Variants in NHLRC2 observed in about 807,000 individuals in gnomAD.
The protein encoded by NHLRC2 is NHL repeat-containing protein 2.
Under a neutral mutation model 68.1 loss-of-function variants are expected in NHLRC2, and 33 were observed. The observed-to-expected ratio is 0.48, with a 90% CI of 0.37 to 0.65. NHLRC2 has a LOEUF of 0.65. Among genes scored for constraint, NHLRC2 ranks in the 30% least tolerant of loss-of-function variants. The pLI is 0.00. For missense variants in NHLRC2, 761 were observed against 853.8 expected (o/e 0.89, Z 1.35); for synonymous variants, 311 against 309.6 (o/e 1.00, Z -0.05).
intron 2 of NHLRC2, among the ~76,000 whole-genome samples, chr10:113,860,758 T>A (rs1379654618): frequency 6.6e-6 from 1 of 152,154 alleles, no homozygotes; most frequent in Non-Finnish European, 1.5e-5. Flanking sequence ...ATTCTGGAAC[T>A]GAAAAGTGGA....
At chr10:113,906,155 T>C (rs1846273191) in intron 10 of NHLRC2, among the ~76,000 whole-genome samples, 1 of 152,202 alleles carries the variant, frequency 6.6e-6, no homozygotes, top group Admixed American at 6.5e-5. Context: ...GTTAGAGCAG[T>C]GTATTAAATG....
intron 2 of NHLRC2, among the ~76,000 whole-genome samples, chr10:113,866,967 A>G (rs181237619): frequency 8.7e-4 from 133 of 152,226 alleles, no homozygotes; most frequent in African/African-American, 3.0e-3. Context: ...TTCCTCAGCC[A>G]TGTGTTGTGA....
intron 2 of NHLRC2, among the ~76,000 whole-genome samples, chr10:113,874,265 G>A (rs1845957765): frequency 6.6e-6 from 1 of 152,040 alleles, no homozygotes; most frequent in South Asian, 2.1e-4. Flanking sequence ...GACTTATAAG[G>A]CATTTGCTGT....
At position 113,879,511 on chromosome 10, in the gene NHLRC2, T is replaced by G. The variant is rs114779160; in HGVS notation, c.788-63T>G. The stretch of plus-strand genomic sequence containing the variant: ...AATCCCAGCATTAAATACAAGTTTG[T>G]TTTGTTTTGTTTTGTTTTACCTTGA... On this transcript the variant is annotated intron_variant, in intron 3 of 10. Coordinates refer to ENST00000369301, the MANE Select transcript of NHLRC2 (RefSeq NM_198514.4). 543 of 1,354,226 alleles carry G rather than the reference T, an allele frequency of 4.0e-4. 1 individual carries two copies. The African/African-American group carries it at 7.6e-3, about 19-fold the overall frequency. The allele number at this position is 1,354,226 out of a possible 1,614,324, so 83.9% of individuals were successfully genotyped here.
intron 5 of NHLRC2, among the ~76,000 whole-genome samples, chr10:113,888,504 T>C (rs1257343434): frequency 2.6e-5 from 4 of 152,232 alleles, no homozygotes; most frequent in African/African-American, 9.6e-5. Context: ...ATTTTAAATC[T>C]ACATGTAGTA....
chr10:113,893,175 T>C (rs954458000), intron 5 of NHLRC2, among the ~76,000 whole-genome samples: 1 of 152,084 alleles, frequency 6.6e-6, no homozygotes, highest in African/African-American at 2.4e-5. Flanking sequence ...AGTAGGAGGC[T>C]GTGGGTACAT....
At chr10:113,870,457 C>T (rs1339565644) in intron 2 of NHLRC2, among the ~76,000 whole-genome samples, 1 of 152,140 alleles carries the variant, frequency 6.6e-6, no homozygotes, top group Non-Finnish European at 1.5e-5. Context: ...CACTTCATAA[C>T]AGTTCATAGA....
chr10:113,875,071 A>G (rs1335779417), intron 2 of NHLRC2, among the ~76,000 whole-genome samples: 1 of 150,528 alleles, frequency 6.6e-6, no homozygotes, highest in African/African-American at 2.4e-5. Flanking sequence ...TACCTTGATA[A>G]CTGACCATAT....
In NHLRC2 at chr10:113,858,501, T is replaced by G. The variant is rs1438092683; in HGVS notation, c.179-27T>G. On this transcript the variant is annotated intron_variant, in intron 1 of 10. Coordinates refer to ENST00000369301, the MANE Select transcript of NHLRC2 (RefSeq NM_198514.4). ...TAAATTTTATCTTTCTCTTTAATCATTGTAATTTATTTTATGTAAATTTCA... is the reference window on the plus strand; with the variant it reads ...TAAATTTTATCTTTCTCTTTAATCAGTGTAATTTATTTTATGTAAATTTCA... The G allele has an allele frequency of 2.0e-6, 3 of 1,499,242 alleles. No individual in the cohort carries two copies. In the Admixed American group the frequency reaches 5.6e-5, roughly 28 times the overall value. 92.9% of individuals were successfully genotyped at this position (1,499,242 alleles called of 1,614,324 possible). A position where few individuals can be genotyped will look rare whatever the true frequency, so the allele number is the denominator to read the frequency against.
intron 5 of NHLRC2, among the ~76,000 whole-genome samples, chr10:113,889,038 G>C (rs1554902072): frequency 6.6e-6 from 1 of 151,988 alleles, no homozygotes; most frequent in Non-Finnish European, 1.5e-5. Flanking sequence ...TGTTGGCCAG[G>C]CTGTTCTCTA....
In NHLRC2 at chr10:113,911,988, C is replaced by G. The variant is rs536225919; in HGVS notation, c.*3452C>G. On this transcript the variant is annotated 3_prime_UTR_variant, in exon 11 of 11. Coordinates refer to ENST00000369301, the MANE Select transcript of NHLRC2 (RefSeq NM_198514.4). Reference sequence around the variant, plus strand: ...TGAATCGTAAGCACTTATATAATAACTTTTTAAAAGTCATTTTTATTACCA... The same window carrying G: ...TGAATCGTAAGCACTTATATAATAAGTTTTTAAAAGTCATTTTTATTACCA... The G allele has an allele frequency of 6.6e-6, 1 of 151,960 alleles. No homozygotes were observed. Among genetic ancestry groups the G allele is most frequent in the African/African-American group, 2.4e-5 (1 of 41,432 alleles). The allele number at this position is 151,960 out of a possible 1,614,324, so 9.4% of individuals were successfully genotyped here. A position where few individuals can be genotyped will look rare whatever the true frequency, so the allele number is the denominator to read the frequency against.
At chr10:113,874,069 G>A (rs1158483333) in intron 2 of NHLRC2, among the ~76,000 whole-genome samples, 1 of 152,058 alleles carries the variant, frequency 6.6e-6, no homozygotes. Context: ...TTATCAACAT[G>A]ATGCACTTTC....
intron 1 of NHLRC2, among the ~76,000 whole-genome samples, chr10:113,855,420 A>C (rs1403322600): frequency 5.3e-5 from 8 of 152,026 alleles, no homozygotes; most frequent in Admixed American, 5.2e-4. Context: ...ATCTTTCTGC[A>C]TCATCTTGAC....
Position 113,884,318 on chromosome 10 carries a change from G to A in NHLRC2, c.977G>A (p.Gly326Asp). The A allele has an allele frequency of 1.2e-6, 2 of 1,610,766 alleles. No homozygotes were observed. The highest frequency in any genetic ancestry group is 1.7e-6 in the Non-Finnish European group (2 of 1,177,520). ...GGAATTCAAGGTACAGATAAAGAAG[G>A]TGGAGCAAAAGGAGAACAACAACCC... ...GIGIQGTDKE[G>D]GAKGEQQPIS... Residue 326 changes from glycine (G) to aspartate (D), a missense_variant, in exon 5 of 11, where the codon GGT becomes GAT. Coordinates refer to ENST00000369301, the MANE Select transcript of NHLRC2 (RefSeq NM_198514.4).
At chr10:113,891,832 CT>C (rs1208289123) in intron 5 of NHLRC2, among the ~76,000 whole-genome samples, 1 of 152,128 alleles carries the variant, frequency 6.6e-6, no homozygotes, top group Non-Finnish European at 1.5e-5. Flanking sequence ...GTGCCTAGGC[CT>C]TGAGGAAAGG....
Position 113,910,040 on chromosome 10 carries a change from C to CT in NHLRC2, c.*1508dup, listed in dbSNP as rs1471897138. ...TTTAATTAGTCATCTACTGAAGCTA[C>CT]TTTTAAAGAGAAATATAGATATAAA... On this transcript the variant is annotated 3_prime_UTR_variant, in exon 11 of 11. Coordinates refer to ENST00000369301, the MANE Select transcript of NHLRC2 (RefSeq NM_198514.4). 2 of 152,052 alleles carry CT rather than the reference C, an allele frequency of 1.3e-5. No individual in the cohort carries two copies. Among genetic ancestry groups the CT allele is most frequent in the Non-Finnish European group, 2.9e-5 (2 of 68,028 alleles). The allele number at this position is 152,052 out of a possible 1,614,324, so 9.4% of individuals were successfully genotyped here.
rs1465091891 is a variant in NHLRC2 at position 113,911,012 on chromosome 10, A to G, written c.*2476A>G. 2.6e-5 allele frequency: 4 copies of G among 152,182 alleles called. No homozygotes were observed. The highest frequency in any genetic ancestry group is 9.6e-5 in the African/African-American group (4 of 41,460). 9.4% of individuals were successfully genotyped at this position (152,182 alleles called of 1,614,324 possible). A position where few individuals can be genotyped will look rare whatever the true frequency, so the allele number is the denominator to read the frequency against. On this transcript the variant is annotated 3_prime_UTR_variant, in exon 11 of 11. Transcript: ENST00000369301. ...GAAGCACTAGAAAGTTTATTTTTAA[A>G]ACTTGTTGATCCATATTCTATAAGG... is the stretch of plus-strand genomic sequence containing the variant.
In NHLRC2 at chr10:113,879,655, T is replaced by A. The variant is rs370079951; in HGVS notation, c.869T>A (p.Ile290Asn). 2 of 1,559,448 alleles carry A rather than the reference T, an allele frequency of 1.3e-6. No individual in the cohort carries two copies. Among genetic ancestry groups the A allele is most frequent in the Non-Finnish European group, 1.8e-6 (2 of 1,139,276 alleles). Reference protein sequence around the residue: ...SPQGVAIMNNIIYVADTENHL... With the variant: ...SPQGVAIMNNNIYVADTENHL... ...CAGGGTGTAGCCATAATGAATAATA[T>A]CATATATGTGGCAGACACTGAAAAC... Residue 290 changes from isoleucine (I) to asparagine (N), a missense_variant, in exon 4 of 11, where the codon ATC becomes AAC. Transcript: ENST00000369301.
At position 113,914,861 on chromosome 10, in the gene NHLRC2, G is replaced by A. The variant is rs1846365887; in HGVS notation, c.*6325G>A. The A allele has an allele frequency of 2.7e-6, 1 of 371,732 alleles. No homozygotes were observed. The highest frequency in any genetic ancestry group is 5.2e-6 in the Non-Finnish European group (1 of 191,192). The allele number at this position is 371,732 out of a possible 1,614,324, so 23.0% of individuals were successfully genotyped here. On this transcript the variant is annotated 3_prime_UTR_variant, in exon 11 of 11. Transcript: ENST00000369301. ...GATAATATAAAGAATAGTATTAAAA[G>A]TCAGAGGCTTTACTAATCTACCTAT...
Sources: gnomAD v4.1 joint callset for allele counts (sites outside exome capture counted in the v4.1 genomes callset) on GRCh38, gnomAD v4.1.1 for gene constraint, MANE v1.5 for transcripts, NCBI Gene and HGNC (gene_info 2026-07-23, HGNC 2026-07-21) for gene names.